TRPC4: variants seen among roughly 807,000 people sequenced by gnomAD.
The protein encoded by TRPC4 is transient receptor potential cation channel subfamily C member 4.
In TRPC4, 49 loss-of-function variants were observed where a neutral mutation model predicts 99.4. That is an observed-to-expected ratio of 0.49 (90% CI 0.39 to 0.63). TRPC4 has a LOEUF of 0.63. TRPC4 is among the 20% of genes least tolerant of loss of function. TRPC4 has a pLI of 0.00. For missense variants in TRPC4, 898 were observed against 1,152.9 expected, an observed-to-expected ratio of 0.78 and a Z score of 3.20; for synonymous variants, 454 against 425.9, an observed-to-expected ratio of 1.07 and a Z score of -0.81.
intron 3 of TRPC4, among the ~76,000 whole-genome samples, chr13:37,741,001 G>C (rs1955572866): frequency 1.3e-5 from 2 of 152,098 alleles, no homozygotes; most frequent in African/African-American, 4.8e-5. Flanking sequence ...AGCTAATGTT[G>C]CAAAGCTGCT....
intron 1 of TRPC4, among the ~76,000 whole-genome samples, chr13:37,819,648 C>A (rs1369931708): frequency 6.6e-6 from 1 of 151,750 alleles, no homozygotes; most frequent in African/African-American, 2.4e-5. Flanking sequence ...TAGAGGGGAA[C>A]AACACATACT....
intron 3 of TRPC4, among the ~76,000 whole-genome samples, chr13:37,719,448 A>T (rs74047130): frequency 0.033 from 4,955 of 152,188 alleles, 191 homozygotes; most frequent in African/African-American, 0.1. Flanking sequence ...CATGCTAAAG[A>T]GGATTCTTCT....
intron 3 of TRPC4, among the ~76,000 whole-genome samples, chr13:37,745,554 A>G (rs1489107975): frequency 7.0e-6 from 1 of 142,270 alleles, no homozygotes; most frequent in Admixed American, 7.3e-5. Context: ...ATATATATAT[A>G]TAATTTCAAA....
intron 3 of TRPC4, among the ~76,000 whole-genome samples, chr13:37,725,528 A>G (rs1023027553): frequency 6.6e-6 from 1 of 152,168 alleles, no homozygotes; most frequent in Non-Finnish European, 1.5e-5. Flanking sequence ...CCTGAATAAG[A>G]TTATCAACAG....
At chr13:37,687,029 A>G (rs888904923) in intron 4 of TRPC4, among the ~76,000 whole-genome samples, 2 of 151,922 alleles carry the variant, frequency 1.3e-5, no homozygotes, top group Non-Finnish European at 2.9e-5. Context: ...CAGTGGCACA[A>G]TCTCGGCTCA....
chr13:37,645,224 G>C (rs1316106527), intron 8 of TRPC4, among the ~76,000 whole-genome samples: 1 of 152,084 alleles, frequency 6.6e-6, no homozygotes, highest in Non-Finnish European at 1.5e-5. Flanking sequence ...CAATGGCAGC[G>C]TTTGGATCAG....
At chr13:37,789,340 A>G (rs1957053265) in intron 1 of TRPC4, among the ~76,000 whole-genome samples, 1 of 152,108 alleles carries the variant, frequency 6.6e-6, no homozygotes, top group Non-Finnish European at 1.5e-5. Flanking sequence ...GGGTTTTAAA[A>G]TCTTTCTGAA....
chr13:37,644,828 G>A (rs1356482919), intron 8 of TRPC4, among the ~76,000 whole-genome samples: 1 of 137,578 alleles, frequency 7.3e-6, no homozygotes, highest in Non-Finnish European at 1.5e-5. Context: ...AGTGCAGATC[G>A]CGCCACTGCA....
At chr13:37,719,459 G>C (rs748100447) in intron 3 of TRPC4, among the ~76,000 whole-genome samples, 1 of 151,866 alleles carries the variant, frequency 6.6e-6, no homozygotes, top group African/African-American at 2.4e-5. Flanking sequence ...GGATTCTTCT[G>C]GTTTAAAGGA....
chr13:37,708,859 C>T (rs1019930558), intron 3 of TRPC4, among the ~76,000 whole-genome samples: 17 of 151,768 alleles, frequency 1.1e-4, no homozygotes, highest in African/African-American at 3.9e-4. Context: ...TATACATAAA[C>T]AACATCTAAC....
At chr13:37,776,674 C>T (rs1039598715) in intron 2 of TRPC4, among the ~76,000 whole-genome samples, 4 of 151,914 alleles carry the variant, frequency 2.6e-5, no homozygotes, top group African/African-American at 9.7e-5. Context: ...AGTTTATAGA[C>T]TGTCTTGGTA....
intron 1 of TRPC4, among the ~76,000 whole-genome samples, chr13:37,850,355 C>T (rs546184681): frequency 2.6e-5 from 4 of 152,292 alleles, no homozygotes; most frequent in African/African-American, 9.6e-5. Context: ...AACTCAGTTA[C>T]AAGTAATTTG....
At chr13:37,748,178 C>T (rs1183521588) in intron 2 of TRPC4, among the ~76,000 whole-genome samples, 3 of 152,110 alleles carry the variant, frequency 2.0e-5, no homozygotes, top group Non-Finnish European at 4.4e-5. Context: ...GTAACTGAAA[C>T]TGATGAAAGC....
chr13:37,748,287 G>A (rs1955840966), intron 2 of TRPC4, among the ~76,000 whole-genome samples: 1 of 152,102 alleles, frequency 6.6e-6, no homozygotes, highest in African/African-American at 2.4e-5. Flanking sequence ...TCCTATATTA[G>A]ATGTATGTTT....
chr13:37,809,458 G>A (rs1463219364), intron 1 of TRPC4, among the ~76,000 whole-genome samples: 2 of 97,466 alleles, frequency 2.1e-5, no homozygotes, highest in African/African-American at 3.5e-5. Flanking sequence ...CAAAGTCCCC[G>A]GGTTTTGTGT....
intron 1 of TRPC4, among the ~76,000 whole-genome samples, chr13:37,828,493 C>G (rs1958316386): frequency 6.6e-6 from 1 of 151,954 alleles, no homozygotes; most frequent in Non-Finnish European, 1.5e-5. Flanking sequence ...GGCATACACC[C>G]AAAGGAATAT....
At chr13:37,673,546 G>C (rs1952937436) in intron 5 of TRPC4, among the ~76,000 whole-genome samples, 1 of 151,864 alleles carries the variant, frequency 6.6e-6, no homozygotes, top group African/African-American at 2.4e-5. Flanking sequence ...GGGGGAAAAG[G>C]AAAATCAGTG....
intron 1 of TRPC4, among the ~76,000 whole-genome samples, chr13:37,850,003 C>T (rs1210100632): frequency 6.6e-6 from 1 of 152,186 alleles, no homozygotes; most frequent in East Asian, 1.9e-4. Context: ...AAATCAGAAA[C>T]AATGTCTCAC....
At chr13:37,751,691 A>C (rs1226138433) in intron 2 of TRPC4, among the ~76,000 whole-genome samples, 3 of 152,062 alleles carry the variant, frequency 2.0e-5, no homozygotes, top group African/African-American at 7.2e-5. Flanking sequence ...CATATATTGA[A>C]TCAACAAATA....
Sources: allele counts gnomAD v4.1 joint callset (sites outside exome capture counted in the v4.1 genomes callset), GRCh38; gene constraint gnomAD v4.1.1; transcripts MANE v1.5; gene names NCBI Gene and HGNC (gene_info 2026-07-23, HGNC 2026-07-21).